Variants in PHF24 observed in about 807,000 individuals in gnomAD.
The protein encoded by PHF24 is Galpha inhibitory interacting protein.
A neutral mutation model predicts 42.6 loss-of-function variants in PHF24; 25 were observed. The ratio of observed to expected loss-of-function variants is 0.59; its 90% CI spans 0.43 to 0.82. The LOEUF (loss-of-function observed/expected upper bound fraction) is 0.82. Ranked by LOEUF, PHF24 falls within the 40% of genes least tolerant of loss-of-function variation. The pLI is 0.00. For missense variants in PHF24, 470 were observed against 538.1 expected (o/e 0.87, Z 1.25); for synonymous variants, 185 against 204.8 (o/e 0.90, Z 0.83).
chr9:34,690,390 G>T, the PHF24 span: 2 of 1,593,488 alleles, frequency 1.3e-6, no homozygotes, highest in Non-Finnish European at 1.7e-6. Context: ...CTTGAGGGTG[G>T]CATGGCCATG....
chr9:34,840,005 G>A, the PHF24 span, among the ~76,000 whole-genome samples: 32 of 152,316 alleles, frequency 2.1e-4, no homozygotes, highest in African/African-American at 7.2e-4. Flanking sequence ...CAAGGAATGT[G>A]CCACAGAGTT....
the PHF24 span, among the ~76,000 whole-genome samples, chr9:34,702,601 C>A: frequency 6.6e-6 from 1 of 152,138 alleles, no homozygotes; most frequent in Non-Finnish European, 1.5e-5. Flanking sequence ...CGTAGGTCAC[C>A]AAGGTCACAA....
chr9:34,810,289 A>G, the PHF24 span, among the ~76,000 whole-genome samples: 5 of 152,086 alleles, frequency 3.3e-5, no homozygotes, highest in Admixed American at 6.5e-5. Flanking sequence ...GTGTCACTGG[A>G]TGAACCCCGA....
the PHF24 span, chr9:34,917,579 C>A: frequency 1.0e-5 from 8 of 775,328 alleles, no homozygotes; most frequent in Non-Finnish European, 1.9e-5. Flanking sequence ...TGGCATGGAG[C>A]AGGAATATAC....
the PHF24 span, among the ~76,000 whole-genome samples, chr9:34,816,238 G>T: frequency 0.91 from 138,094 of 152,190 alleles, 63,456 homozygotes; most frequent in Non-Finnish European, 0.99. Context: ...AGTCACTGAT[G>T]AGTCACTGTG....
upstream of PHF24, among the ~76,000 whole-genome samples, chr9:34,957,978 G>T (rs908529843): frequency 6.8e-5 from 10 of 146,494 alleles, no homozygotes; most frequent in Admixed American, 2.7e-4. Flanking sequence ...GGGCGCTCGT[G>T]GGGGGCGCCC....
chr9:34,824,729 T>C, the PHF24 span, among the ~76,000 whole-genome samples: 1 of 152,144 alleles, frequency 6.6e-6, no homozygotes, highest in Non-Finnish European at 1.5e-5. Flanking sequence ...TGTGTTAATC[T>C]TGTATAGATG....
the PHF24 span, among the ~76,000 whole-genome samples, chr9:34,797,106 C>G: frequency 6.6e-6 from 1 of 152,298 alleles, no homozygotes; most frequent in East Asian, 1.9e-4. Flanking sequence ...CCTTGTCTCC[C>G]TCTCAGGGCG....
chr9:34,972,283 T>C (rs1383213169), intron 2 of PHF24, 63 bp from the exon 3 acceptor site: 14 of 1,457,398 alleles, frequency 9.6e-6, no homozygotes, highest in East Asian at 4.7e-5. Context: ...CTGTGCTTAG[T>C]GGCCTTGGAA....
the PHF24 span, among the ~76,000 whole-genome samples, chr9:34,785,815 A>G: frequency 6.6e-6 from 1 of 152,050 alleles, no homozygotes; most frequent in Non-Finnish European, 1.5e-5. Flanking sequence ...CCCTTTTATC[A>G]TGTTTCTTTC....
At chr9:34,935,767 A>G in the PHF24 span, among the ~76,000 whole-genome samples, 2 of 151,652 alleles carry the variant, frequency 1.3e-5, no homozygotes, top group Admixed American at 6.6e-5. Context: ...GTGTGTCAAC[A>G]GTATCTCACA....
chr9:34,881,387 C>CA, the PHF24 span, among the ~76,000 whole-genome samples: 14 of 151,938 alleles, frequency 9.2e-5, 2 homozygotes, highest in South Asian at 1.7e-3. Context: ...GATAGAGACA[C>CA]AAAAAACCCT....
At chr9:34,799,736 A>C in the PHF24 span, among the ~76,000 whole-genome samples, 1 of 152,152 alleles carries the variant, frequency 6.6e-6, no homozygotes. Context: ...CCTTTTATGG[A>C]CTTATAGGCA....
the PHF24 span, among the ~76,000 whole-genome samples, chr9:34,845,335 G>A: frequency 6.6e-6 from 1 of 152,038 alleles, no homozygotes; most frequent in Non-Finnish European, 1.5e-5. Flanking sequence ...GGTAATTATT[G>A]ATAGGTAAGG....
the PHF24 span, among the ~76,000 whole-genome samples, chr9:34,860,287 T>C: frequency 6.6e-6 from 1 of 152,182 alleles, no homozygotes; most frequent in African/African-American, 2.4e-5. Flanking sequence ...CAGAGTAGGG[T>C]GTATATGGGC....
the PHF24 span, among the ~76,000 whole-genome samples, chr9:34,855,147 T>G: frequency 6.6e-6 from 1 of 152,220 alleles, no homozygotes; most frequent in Non-Finnish European, 1.5e-5. Flanking sequence ...CCCATCCTTT[T>G]ATTTTGAGCC....
chr9:34,977,048 T>C (rs773966978), intron 5 of PHF24, 35 bp from the exon 6 acceptor site: 3 of 1,548,554 alleles, frequency 1.9e-6, no homozygotes, highest in Non-Finnish European at 2.6e-6. Context: ...TTACAAGATA[T>C]CTTCACCTCT....
At chr9:34,937,132 ACC>A in the PHF24 span, among the ~76,000 whole-genome samples, 7 of 151,092 alleles carry the variant, frequency 4.6e-5, no homozygotes, top group Non-Finnish European at 1.0e-4. Flanking sequence ...CCCGGCCACC[ACC>A]CCGTCTGGGA....
chr9:34,951,921 A>C, the PHF24 span, among the ~76,000 whole-genome samples: 3 of 152,248 alleles, frequency 2.0e-5, no homozygotes, highest in Admixed American at 1.3e-4. Context: ...CTTCTACAAC[A>C]ACAAAACTTA....
Sources: gnomAD v4.1 joint callset for allele counts (sites outside exome capture counted in the v4.1 genomes callset) on GRCh38, gnomAD v4.1.1 for gene constraint, MANE v1.5 for transcripts, NCBI Gene and HGNC (gene_info 2026-07-23, HGNC 2026-07-21) for gene names.